Variants in IP6K2 observed in about 807,000 individuals in gnomAD.
The protein encoded by IP6K2 is inositol hexakisphosphate kinase 2.
In IP6K2, 9 loss-of-function variants were observed where a neutral mutation model predicts 43.3. The observed-to-expected ratio is 0.21, with a 90% CI of 0.13 to 0.36. IP6K2 has a LOEUF of 0.36. IP6K2 is among the 10% of genes least tolerant of loss of function. The pLI is 1.00. For missense variants in IP6K2, 332 were observed against 538.4 expected (o/e 0.62, Z 3.79); for synonymous variants, 209 against 202.4 (o/e 1.03, Z -0.28).
At chr3:48,702,745 GTTAA>G (rs2079208427) in intron 1 of IP6K2, among the ~76,000 whole-genome samples, 1 of 152,096 alleles carries the variant, frequency 6.6e-6, no homozygotes, top group Non-Finnish European at 1.5e-5. Flanking sequence ...TACTTGTCTT[GTTAA>G]TTGTCTCCTC....
chr3:48,708,927 G>T (rs750850015), intron 1 of IP6K2, among the ~76,000 whole-genome samples: 1 of 152,202 alleles, frequency 6.6e-6, no homozygotes, highest in South Asian at 2.1e-4. Context: ...AACCAGCCAG[G>T]TGTGGTGGTA....
At chr3:48,694,205 G>C (rs1028319701) in intron 2 of IP6K2, 4 of 1,551,424 alleles carry the variant, frequency 2.6e-6, no homozygotes, top group East Asian at 2.4e-5. Flanking sequence ...AAATGGGGCA[G>C]GGATGGCCAG....
rs2081175844 is a variant in IP6K2 at position 48,716,196 on chromosome 3, A to C, written c.-131+961T>G. ...AACATTTTAAACACTAGAATTCAACAAAATTACTGTAATCATGGTCCTCTA... is the reference window on the plus strand; with the variant it reads ...AACATTTTAAACACTAGAATTCAACCAAATTACTGTAATCATGGTCCTCTA... On this transcript the variant is annotated intron_variant, in intron 1 of 5. Coordinates refer to ENST00000328631, the MANE Select transcript of IP6K2 (RefSeq NM_016291.4). Among the ~76,000 whole-genome samples, 6 of 152,258 alleles carry C rather than the reference A, an allele frequency of 3.9e-5. No individual in the cohort carries two copies. In the South Asian group the frequency reaches 1.2e-3, roughly 31 times the overall value.
intron 1 of IP6K2, among the ~76,000 whole-genome samples, chr3:48,712,968 G>A (rs778275320): frequency 5.9e-5 from 9 of 151,998 alleles, no homozygotes; most frequent in South Asian, 4.1e-4. Flanking sequence ...AGCCGAGATC[G>A]CGCCACTGCA....
chr3:48,692,917 C>G, intron 3 of IP6K2, 37 bp downstream of exon 3: 1 of 1,495,118 alleles, frequency 6.7e-7, no homozygotes, highest in South Asian at 1.2e-5. Context: ...CACTTCCCCT[C>G]CCACATAGCC....
Position 48,688,454 on chromosome 3 carries a change from T to C in IP6K2, c.1100A>G (p.Tyr367Cys). The C allele has an allele frequency of 1.9e-6, 3 of 1,614,212 alleles. No individual in the cohort carries two copies. The highest frequency in any genetic ancestry group is 1.7e-6 in the Non-Finnish European group (2 of 1,180,028). ...GCTGGCGCCGATGGGTTTGTAGGCA[T>C]AGGCACCAGCAGACTCATCAGCTGA... Reference protein sequence around the residue: ...EESADESAGAYAYKPIGASSV... With the variant: ...EESADESAGACAYKPIGASSV... Residue 367 changes from tyrosine (Y) to cysteine (C), a missense_variant, in exon 6 of 6, where the codon TAT (tyrosine) becomes TGT (cysteine). Coordinates refer to ENST00000328631, the MANE Select transcript of IP6K2 (RefSeq NM_016291.4). The surrounding 1 kb of genome is among the most constrained non-coding windows in gnomAD (Gnocchi z 5.1).
intron 1 of IP6K2, among the ~76,000 whole-genome samples, chr3:48,702,105 C>T (rs918561806): frequency 6.6e-6 from 1 of 152,016 alleles, no homozygotes; most frequent in East Asian, 1.9e-4. Flanking sequence ...GTGGTGGACA[C>T]CTGTAATCCC....
At chr3:48,697,995 C>A (rs1490050848) in intron 1 of IP6K2, among the ~76,000 whole-genome samples, 1 of 152,152 alleles carries the variant, frequency 6.6e-6, no homozygotes, top group Non-Finnish European at 1.5e-5. Context: ...AGAATCTAAA[C>A]CTAAGGTTCT....
chr3:48,706,315 T>C (rs1296837177), intron 1 of IP6K2, among the ~76,000 whole-genome samples: 1 of 152,004 alleles, frequency 6.6e-6, no homozygotes, highest in Non-Finnish European at 1.5e-5. Context: ...CAAGTTGTGG[T>C]AGTGCACATC....
At chr3:48,703,554 A>T (rs1418159493) in intron 1 of IP6K2, among the ~76,000 whole-genome samples, 2 of 150,998 alleles carry the variant, frequency 1.3e-5, no homozygotes, top group African/African-American at 4.9e-5. Context: ...AATACAAAAA[A>T]AAAAAAAAAA....
chr3:48,695,036 G>A lies in IP6K2; in HGVS notation c.202+54C>T, dbSNP rs1304312111. On this transcript the variant is annotated intron_variant, in intron 2 of 5. Transcript: ENST00000328631. This position sits in a 1 kb window ranked among gnomAD's most constrained non-coding sequence, Gnocchi z 4.6. ...GGCTGCCAGGGCCTTCCATGGCCAC[G>A]ATCTCTCACATCTCCTCGCCAGTGT... 30 of 1,613,968 alleles carry A rather than the reference G, an allele frequency of 1.9e-5. 1 individual carries two copies. Among genetic ancestry groups the A allele is most frequent in the South Asian group, 4.4e-5 (4 of 91,084 alleles).
chr3:48,709,523 G>A (rs977064649), intron 1 of IP6K2, among the ~76,000 whole-genome samples: 5 of 152,138 alleles, frequency 3.3e-5, no homozygotes, highest in Admixed American at 3.3e-4. Flanking sequence ...AATGAGATAC[G>A]ATTCTGAGAA....
chr3:48,702,343 G>A (rs1211026414), intron 1 of IP6K2, among the ~76,000 whole-genome samples: 2 of 152,104 alleles, frequency 1.3e-5, no homozygotes, highest in East Asian at 1.9e-4. Context: ...GTACCTCAGG[G>A]CCTTTGTACT....
At chr3:48,703,548 CA>C (rs35725171) in intron 1 of IP6K2, among the ~76,000 whole-genome samples, 12,196 of 69,872 alleles carry the variant, frequency 0.17, 594 homozygotes, top group Non-Finnish European at 0.22. Flanking sequence ...ACTAAAAATA[CA>C]AAAAAAAAAA....
intron 2 of IP6K2, chr3:48,693,427 G>C (rs1559512375): frequency 1.4e-6 from 2 of 1,382,214 alleles, no homozygotes; most frequent in Non-Finnish European, 2.0e-6. Flanking sequence ...CGAGGCAAGA[G>C]CCAAAGAATT....
At chr3:48,712,591 G>A (rs1373667597) in intron 1 of IP6K2, among the ~76,000 whole-genome samples, 1 of 152,064 alleles carries the variant, frequency 6.6e-6, no homozygotes, top group African/African-American at 2.4e-5. Flanking sequence ...ACATGTGCCT[G>A]TAGCCCCAAC....
At chr3:48,697,606 GC>G (rs1370489780) in intron 1 of IP6K2, among the ~76,000 whole-genome samples, 2 of 149,192 alleles carry the variant, frequency 1.3e-5, no homozygotes, top group Non-Finnish European at 1.5e-5. Flanking sequence ...CTCCCAAAGT[GC>G]TGGGACTATG....
Position 48,701,096 on chromosome 3 carries a change from G to A in IP6K2, c.-130-5675C>T, listed in dbSNP as rs1370096109. Among the ~76,000 whole-genome samples, 12 of 152,188 alleles carry A rather than the reference G, an allele frequency of 7.9e-5. No homozygotes were observed. In the East Asian group the frequency reaches 1.2e-3, roughly 15 times the overall value. ...AAGTGGAATGACAACGTGGCTGGGCGCGGTGGCTCACGCCTGTAGTCCTGG... is the reference window on the plus strand; with the variant it reads ...AAGTGGAATGACAACGTGGCTGGGCACGGTGGCTCACGCCTGTAGTCCTGG... On this transcript the variant is annotated intron_variant, in intron 1 of 5. Coordinates refer to ENST00000328631, the MANE Select transcript of IP6K2 (RefSeq NM_016291.4).
intron 1 of IP6K2, among the ~76,000 whole-genome samples, chr3:48,708,989 G>C (rs1229469853): frequency 6.6e-6 from 1 of 152,164 alleles, no homozygotes; most frequent in Non-Finnish European, 1.5e-5. Flanking sequence ...GATCACTTGA[G>C]GCTGCAAAGC....
Sources: gnomAD v4.1 joint callset for allele counts (sites outside exome capture counted in the v4.1 genomes callset) on GRCh38, gnomAD v4.1.1 for gene constraint, Gnocchi (gnomAD v3.1) non-coding constraint, MANE v1.5 for transcripts, NCBI Gene and HGNC (gene_info 2026-07-23, HGNC 2026-07-21) for gene names.